Variants in PDE10A observed in about 807,000 individuals in gnomAD.
PDE10A encodes cAMP and cAMP-inhibited cGMP 3',5'-cyclic phosphodiesterase 10A.
PDE10A carries 39 observed loss-of-function variants against 97.7 expected under a neutral mutation model. The ratio of observed to expected loss-of-function variants is 0.40; its 90% CI spans 0.31 to 0.52. The LOEUF is 0.52. Ranked by LOEUF, PDE10A falls within the 20% of genes least tolerant of loss-of-function variation. PDE10A has a pLI of 0.56. For synonymous variants in PDE10A, 371 were observed against 376.8 expected (o/e 0.98, Z 0.18); for missense variants, 731 against 1,047.8 (o/e 0.70, Z 4.17).
At chr6:165,856,785 A>T (rs540014285) in intron 1 of PDE10A, among the ~76,000 whole-genome samples, 1 of 152,108 alleles carries the variant, frequency 6.6e-6, no homozygotes. Context: ...ACGTTCATAA[A>T]TTTTCTCTGT....
At chr6:165,693,436 C>T (rs982293147) in intron 1 of PDE10A, among the ~76,000 whole-genome samples, 1 of 136,962 alleles carries the variant, frequency 7.3e-6, no homozygotes, top group African/African-American at 2.7e-5. Context: ...GAGGCTAAGG[C>T]AGGAGAATGG....
chr6:165,714,007 A>G (rs962689434), intron 1 of PDE10A, among the ~76,000 whole-genome samples: 6 of 152,224 alleles, frequency 3.9e-5, no homozygotes, highest in Admixed American at 3.9e-4. Flanking sequence ...TACACTGCCC[A>G]TGTATAGGGA....
At chr6:165,479,931 G>A (rs1364912602) in intron 3 of PDE10A, among the ~76,000 whole-genome samples, 2 of 152,134 alleles carry the variant, frequency 1.3e-5, no homozygotes, top group Admixed American at 1.3e-4. Flanking sequence ...ATGGAATGTA[G>A]CTTCTTTAAA....
At chr6:165,752,035 C>T (rs549966848) in intron 1 of PDE10A, among the ~76,000 whole-genome samples, 3 of 149,750 alleles carry the variant, frequency 2.0e-5, no homozygotes, top group Admixed American at 6.7e-5. Flanking sequence ...CCCAGCTACT[C>T]AGGAGGCTGA....
intron 1 of PDE10A, among the ~76,000 whole-genome samples, chr6:165,826,472 C>A (rs1007718906): frequency 3.9e-5 from 5 of 128,260 alleles, no homozygotes; most frequent in Non-Finnish European, 9.0e-5. Context: ...TCCCCATGTC[C>A]ACCTGTCCCC....
At chr6:165,685,525 T>C (rs566911824) in intron 1 of PDE10A, among the ~76,000 whole-genome samples, 1 of 152,256 alleles carries the variant, frequency 6.6e-6, no homozygotes, top group East Asian at 1.9e-4. Flanking sequence ...ATCAGGAAAT[T>C]CTGCCTGTTC....
At chr6:165,339,710 T>A (rs1373119924) in intron 19 of PDE10A, among the ~76,000 whole-genome samples, 2 of 152,192 alleles carry the variant, frequency 1.3e-5, no homozygotes, top group Non-Finnish European at 2.9e-5. Flanking sequence ...CTCTTCCAAA[T>A]GATCTTCCAA....
chr6:165,914,767 T>C (rs988303354), intron 1 of PDE10A, among the ~76,000 whole-genome samples: 3 of 152,212 alleles, frequency 2.0e-5, no homozygotes, highest in African/African-American at 7.2e-5. Flanking sequence ...ATAAATGGTG[T>C]CACACACGGG....
At chr6:165,595,969 C>T (rs534096088) in intron 1 of PDE10A, among the ~76,000 whole-genome samples, 2 of 152,260 alleles carry the variant, frequency 1.3e-5, no homozygotes, top group African/African-American at 2.4e-5. Flanking sequence ...AATATTCAGA[C>T]CACAGAAATG....
At position 165,843,283 on chromosome 6, in the gene PDE10A, C is replaced by T. The variant is rs1199650903; in HGVS notation, c.-615+144246G>A. Among the ~76,000 whole-genome samples the T allele has an allele frequency of 2.6e-5, 4 of 152,272 alleles. No homozygotes were observed. In the South Asian group the frequency reaches 6.2e-4, roughly 24 times the overall value. ...TGGCCCTGAAAAGGTGGAGTGGATT[C>T]TGGACAGAGTGGAAGCGCAGCAGAG... is the stretch of plus-strand genomic sequence containing the variant. On this transcript the variant is annotated intron_variant, in intron 1 of 19. Transcript: ENST00000366882.
chr6:165,501,103 C>T (rs1324748182), intron 2 of PDE10A, among the ~76,000 whole-genome samples: 5 of 152,150 alleles, frequency 3.3e-5, no homozygotes, highest in South Asian at 2.1e-4. Flanking sequence ...ATTGCCGGCT[C>T]GGGTCCTCCA....
At chr6:165,894,423 G>A (rs1192583273) in intron 1 of PDE10A, 1 of 455,988 alleles carries the variant, frequency 2.2e-6, no homozygotes, top group Admixed American at 2.3e-5. Context: ...AGAGATATAA[G>A]TCAAGGCCTG....
At chr6:165,727,530 C>G (rs1004967558) in intron 1 of PDE10A, among the ~76,000 whole-genome samples, 97 of 152,254 alleles carry the variant, frequency 6.4e-4, no homozygotes, top group Middle Eastern at 3.4e-3. Flanking sequence ...AAATCTACCC[C>G]CAAATGACAT....
chr6:165,434,016 C>G, intron 6 of PDE10A, among the ~76,000 whole-genome samples: 1 of 54,552 alleles, frequency 1.8e-5, no homozygotes, highest in African/African-American at 8.1e-5. Flanking sequence ...GACTCCGTCT[C>G]AAAAAAAAAA....
intron 1 of PDE10A, among the ~76,000 whole-genome samples, chr6:165,758,655 G>A (rs1793181172): frequency 1.3e-5 from 2 of 150,028 alleles, no homozygotes; most frequent in South Asian, 4.3e-4. Flanking sequence ...GGAAGAGGAG[G>A]AGGAGGAAGA....
intron 1 of PDE10A, among the ~76,000 whole-genome samples, chr6:165,728,481 T>C (rs1238396565): frequency 3.9e-5 from 6 of 152,160 alleles, no homozygotes; most frequent in African/African-American, 1.4e-4. Context: ...AAAAATGTGA[T>C]GGTTTGAAGA....
intron 1 of PDE10A, among the ~76,000 whole-genome samples, chr6:165,716,687 G>T (rs966857983): frequency 4.6e-5 from 7 of 152,186 alleles, no homozygotes; most frequent in African/African-American, 1.7e-4. Context: ...AGGGGTCATG[G>T]GTGTGGATCA....
intron 1 of PDE10A, among the ~76,000 whole-genome samples, chr6:165,960,023 G>A (rs1784310065): frequency 6.6e-6 from 1 of 152,090 alleles, no homozygotes; most frequent in African/African-American, 2.4e-5. Flanking sequence ...ATGAAAGACA[G>A]ACAACAAACC....
intron 2 of PDE10A, among the ~76,000 whole-genome samples, chr6:165,519,503 C>T (rs1156293574): frequency 6.6e-6 from 1 of 151,684 alleles, no homozygotes; most frequent in Non-Finnish European, 1.5e-5. Context: ...AATGAGAAGG[C>T]TGAGCAGAGG....
Sources: gnomAD v4.1 joint callset for allele counts (sites outside exome capture counted in the v4.1 genomes callset) on GRCh38, gnomAD v4.1.1 for gene constraint, MANE v1.5 for transcripts, NCBI Gene and HGNC (gene_info 2026-07-23, HGNC 2026-07-21) for gene names.